PTPN13: variants seen among roughly 807,000 people sequenced by gnomAD.
PTPN13 encodes tyrosine-protein phosphatase non-receptor type 13.
In PTPN13, 191 loss-of-function variants were observed where a neutral mutation model predicts 284.0. That is an observed-to-expected ratio of 0.67 (90% CI 0.60 to 0.76). The LOEUF is 0.76. PTPN13 is among the 30% of genes least tolerant of loss of function. The pLI is 0.00. For synonymous variants in PTPN13, 986 were observed against 1,022.3 expected, an observed-to-expected ratio of 0.96 and a Z score of 0.68; for missense variants, 2,797 against 2,939.9, an observed-to-expected ratio of 0.95 and a Z score of 1.12.
At chr4:86,763,910 G>T (rs1738990438) in intron 24 of PTPN13, among the ~76,000 whole-genome samples, 1 of 152,076 alleles carries the variant, frequency 6.6e-6, no homozygotes, top group Non-Finnish European at 1.5e-5. Flanking sequence ...GAGAGATAAG[G>T]AAGGGAAGAA....
chr4:86,672,233 G>A (rs1057494393), intron 2 of PTPN13, 132 bp from the exon 3 acceptor site: 4 of 682,862 alleles, frequency 5.9e-6, no homozygotes, highest in African/African-American at 1.9e-5. Context: ...TTTGGTATAT[G>A]TTAACTACTT....
intron 40 of PTPN13, among the ~76,000 whole-genome samples, chr4:86,786,470 T>G (rs955979842): frequency 6.6e-6 from 1 of 152,186 alleles, no homozygotes; most frequent in African/African-American, 2.4e-5. Context: ...CATCCATACA[T>G]GACTGTTCAT....
chr4:86,693,160 T>G (rs961575164), intron 5 of PTPN13, among the ~76,000 whole-genome samples: 1 of 151,588 alleles, frequency 6.6e-6, no homozygotes, highest in Non-Finnish European at 1.5e-5. Flanking sequence ...GAAAGTAATT[T>G]AAATTCCTCA....
At chr4:86,810,988 T>C (rs1379611308) in intron 46 of PTPN13, 58 bp from the exon 47 acceptor site, 2 of 1,522,108 alleles carry the variant, frequency 1.3e-6, no homozygotes, top group African/African-American at 2.7e-5. Flanking sequence ...TGTGATCCTT[T>C]TGAGATTCAA....
intron 35 of PTPN13, among the ~76,000 whole-genome samples, chr4:86,778,898 A>AT (rs71657584): frequency 3.2e-4 from 48 of 149,982 alleles, no homozygotes; most frequent in East Asian, 5.9e-4. Context: ...TAGTTGGAGC[A>AT]TTTTTTTTTA....
chr4:86,746,364 T>C (rs1053053037), intron 17 of PTPN13, among the ~76,000 whole-genome samples: 1 of 152,218 alleles, frequency 6.6e-6, no homozygotes, highest in African/African-American at 2.4e-5. Context: ...GGAATAGCAC[T>C]GATGACCTTG....
intron 1 of PTPN13, among the ~76,000 whole-genome samples, chr4:86,596,220 G>T (rs958713831): frequency 6.6e-6 from 1 of 152,104 alleles, no homozygotes; most frequent in Non-Finnish European, 1.5e-5. Flanking sequence ...GTTAAGAAAA[G>T]GACTGATTTC....
chr4:86,680,099 A>C (rs1728711056), intron 3 of PTPN13, among the ~76,000 whole-genome samples: 2 of 152,100 alleles, frequency 1.3e-5, no homozygotes, highest in Non-Finnish European at 2.9e-5. Context: ...AATACTTGTA[A>C]AGTGCTTGGG....
At chr4:86,653,988 A>G (rs1725431593) in intron 2 of PTPN13, among the ~76,000 whole-genome samples, 1 of 152,236 alleles carries the variant, frequency 6.6e-6, no homozygotes, top group African/African-American at 2.4e-5. Flanking sequence ...GATCATCTTA[A>G]AACTATAAGA....
chr4:86,615,022 A>G (rs181457242), intron 1 of PTPN13, among the ~76,000 whole-genome samples: 95 of 152,220 alleles, frequency 6.2e-4, no homozygotes, highest in Middle Eastern at 3.4e-3. Flanking sequence ...AGCATATATT[A>G]TAGTACACAA....
chr4:86,776,366 T>C (rs1740644798), intron 35 of PTPN13, among the ~76,000 whole-genome samples: 1 of 152,200 alleles, frequency 6.6e-6, no homozygotes, highest in African/African-American at 2.4e-5. Flanking sequence ...CTCCTCCCTG[T>C]TATCAGTTTT....
chr4:86,668,230 G>A (rs1368605291), intron 2 of PTPN13, among the ~76,000 whole-genome samples: 3 of 152,002 alleles, frequency 2.0e-5, no homozygotes, highest in Non-Finnish European at 2.9e-5. Flanking sequence ...CACAGTACAC[G>A]GAATTATAAG....
At chr4:86,805,071 C>T (rs1016966794) in intron 43 of PTPN13, among the ~76,000 whole-genome samples, 4 of 152,092 alleles carry the variant, frequency 2.6e-5, no homozygotes, top group South Asian at 4.1e-4. Context: ...TTGACTACAA[C>T]GTGTTCAATT....
In PTPN13 at chr4:86,674,484, G is replaced by A. The variant is rs189128838; in HGVS notation, c.294+1941G>A. On this transcript the variant is annotated intron_variant, in intron 3 of 47. Coordinates refer to ENST00000411767, the MANE Select transcript of PTPN13 (RefSeq NM_080683.3). ...ATTGAATGTGTATGAGTGTGTGTGTGGTGACTAAGCTAAAGGAAGGCATCT... is the reference window on the plus strand; with the variant it reads ...ATTGAATGTGTATGAGTGTGTGTGTAGTGACTAAGCTAAAGGAAGGCATCT... Among the ~76,000 whole-genome samples the A allele has an allele frequency of 2.7e-4, 41 of 152,224 alleles. No individual in the cohort carries two copies. In the East Asian group the frequency reaches 7.7e-3, roughly 29 times the overall value.
intron 2 of PTPN13, among the ~76,000 whole-genome samples, chr4:86,647,193 A>G (rs1724542148): frequency 6.6e-6 from 1 of 152,168 alleles, no homozygotes; most frequent in Non-Finnish European, 1.5e-5. Flanking sequence ...TCAGAACATC[A>G]AATTGTACTC....
chr4:86,624,610 A>G (rs1320491347), intron 1 of PTPN13, among the ~76,000 whole-genome samples: 1 of 152,184 alleles, frequency 6.6e-6, no homozygotes, highest in South Asian at 2.1e-4. Context: ...TTGACTGCTC[A>G]TCTTAGAATT....
At position 86,771,364 on chromosome 4, in the gene PTPN13, C is replaced by G. The variant is rs957050459; in HGVS notation, c.4997C>G (p.Ala1666Gly). 6.3e-7 allele frequency: 1 copy of G among 1,581,018 alleles called. No homozygotes were observed. The highest frequency in any genetic ancestry group is 8.6e-7 in the Non-Finnish European group (1 of 1,163,058). The change falls in exon 31 of 48, where the codon GCT becomes GGT. Residue 1666 changes from alanine (A) to glycine (G), a missense_variant. Transcript: ENST00000411767. ...SGSGEDDLVT[A>G]PANISNSTWS... is the part of the protein sequence containing the mutation. ...AGTGGAGAAGATGACTTAGTGACAG[C>G]TCCAGCAAACATATCAAATTCGACC... is the stretch of plus-strand genomic sequence containing the variant.
At chr4:86,785,173 C>G in intron 38 of PTPN13, 58 bp from the exon 39 acceptor site, 1 of 1,313,300 alleles carries the variant, frequency 7.6e-7, no homozygotes, top group Non-Finnish European at 1.0e-6. Flanking sequence ...AACACCTTGT[C>G]CCTTTCTCGT....
Position 86,775,531 on chromosome 4 carries a change from A to C in PTPN13, c.5770A>C (p.Asn1924His). The C allele has an allele frequency of 6.2e-7, 1 of 1,613,314 alleles. No homozygotes were observed. Among genetic ancestry groups the C allele is most frequent in the Non-Finnish European group, 8.5e-7 (1 of 1,179,386 alleles). Reference sequence around the variant, plus strand: ...AAGGTCCGTCGCAGCCATTGAGGGTAATCTCCAGCTATTAGATGTCATCCA... The same window carrying C: ...AAGGTCCGTCGCAGCCATTGAGGGTCATCTCCAGCTATTAGATGTCATCCA... The part of the protein sequence containing the change: ...NPRSVAAIEG[N>H]LQLLDVIHYV... Residue 1924 changes from asparagine (N) to histidine (H), a missense_variant, in exon 35 of 48, where the codon AAT becomes CAT. Asn to His is a moderately conservative substitution (Grantham distance 68, BLOSUM62 1). Transcript: ENST00000411767.
Sources: gnomAD v4.1 joint callset for allele counts (sites outside exome capture counted in the v4.1 genomes callset) on GRCh38, gnomAD v4.1.1 for gene constraint, MANE v1.5 for transcripts, NCBI Gene and HGNC (gene_info 2026-07-23, HGNC 2026-07-21) for gene names.